MEGF11: variants seen among roughly 807,000 people sequenced by gnomAD.
The protein encoded by MEGF11 is multiple epidermal growth factor-like domains protein 11.
Under a neutral mutation model 146.6 loss-of-function variants are expected in MEGF11, and 126 were observed. The observed-to-expected ratio is 0.86, with a 90% CI of 0.74 to 1.00. The LOEUF (loss-of-function observed/expected upper bound fraction) is 1.00. Ranked by LOEUF, MEGF11 falls within the 50% of genes least tolerant of loss-of-function variation. MEGF11 has a pLI of 0.00. For missense variants in MEGF11, 1,509 were observed against 1,521.2 expected (o/e 0.99, Z 0.13); for synonymous variants, 532 against 583.4 (o/e 0.91, Z 1.27).
chr15:65,940,691 T>G (rs1405212638), intron 10 of MEGF11, among the ~76,000 whole-genome samples: 1 of 152,178 alleles, frequency 6.6e-6, no homozygotes, highest in African/African-American at 2.4e-5. Flanking sequence ...TGGAGGCCAC[T>G]TGTCATATCC....
chr15:66,143,181 G>C (rs574287498), intron 1 of MEGF11, among the ~76,000 whole-genome samples: 10 of 152,360 alleles, frequency 6.6e-5, no homozygotes, highest in Admixed American at 5.2e-4. Context: ...TCCTGCATTT[G>C]CGAGAGGGAA....
intron 1 of MEGF11, among the ~76,000 whole-genome samples, chr15:66,187,061 A>C (rs1448775606): frequency 6.6e-6 from 1 of 152,230 alleles, no homozygotes; most frequent in Non-Finnish European, 1.5e-5. Context: ...CTCAAAATGC[A>C]AGGAAGGATG....
intron 3 of MEGF11, among the ~76,000 whole-genome samples, chr15:66,122,689 C>T (rs938103672): frequency 3.9e-5 from 6 of 152,200 alleles, no homozygotes; most frequent in Non-Finnish European, 7.3e-5. Flanking sequence ...TCCATTTTCC[C>T]CTGTATTTTT....
At chr15:66,223,304 A>G (rs1186184998) in intron 1 of MEGF11, among the ~76,000 whole-genome samples, 3 of 152,180 alleles carry the variant, frequency 2.0e-5, no homozygotes, top group Admixed American at 6.5e-5. Context: ...CCACAGAGAC[A>G]AAAGTAGATA....
At chr15:65,991,514 CA>C (rs1235630749) in intron 5 of MEGF11, among the ~76,000 whole-genome samples, 10 of 152,198 alleles carry the variant, frequency 6.6e-5, no homozygotes, top group African/African-American at 2.4e-4. Flanking sequence ...CATTGCAGGG[CA>C]TTTAGTGGCA....
At chr15:66,122,261 C>A (rs77396943) in intron 3 of MEGF11, among the ~76,000 whole-genome samples, 45 of 141,564 alleles carry the variant, frequency 3.2e-4, no homozygotes, top group Admixed American at 4.9e-4. Flanking sequence ...GCGATTCTGT[C>A]AAAAAAAAAA....
At chr15:66,022,550 C>T (rs759876330) in intron 5 of MEGF11, among the ~76,000 whole-genome samples, 2 of 152,236 alleles carry the variant, frequency 1.3e-5, no homozygotes, top group African/African-American at 2.4e-5. Flanking sequence ...TTGGGCCCAG[C>T]ACAGTGGCTT....
intron 14 of MEGF11, 129 bp downstream of exon 14, chr15:65,922,694 C>G: frequency 7.7e-7 from 1 of 1,304,800 alleles, no homozygotes; most frequent in South Asian, 1.5e-5. Flanking sequence ...GAGGGAGAGA[C>G]TAGAGGGAAG....
Position 65,918,091 on chromosome 15 carries a change from C to T in MEGF11, c.1961G>A (p.Cys654Tyr), listed in dbSNP as rs2079060920. 1 of 1,613,872 alleles carries T rather than the reference C, an allele frequency of 6.2e-7. No homozygotes were observed. Among genetic ancestry groups the T allele is most frequent in the Non-Finnish European group, 8.5e-7 (1 of 1,179,890 alleles). The part of the protein sequence containing the change: ...GFSGALCNQV[C>Y]AGGYFGQDCA... ...GTCCTGCCCAAAGTATCCTCCAGCA[C>T]ACACTGTGGGCACAGGGCAGCCTGG... Residue 654 changes from cysteine (C) to tyrosine (Y), a missense_variant, in exon 16 of 26, where the codon TGT becomes TAT. Coordinates refer to ENST00000395614, the MANE Select transcript of MEGF11 (RefSeq NM_001385028.1).
At chr15:65,946,221 G>A (rs1434469272) in intron 10 of MEGF11, among the ~76,000 whole-genome samples, 1 of 152,190 alleles carries the variant, frequency 6.6e-6, no homozygotes, top group Non-Finnish European at 1.5e-5. Flanking sequence ...AGCTTGCCCT[G>A]TCTCATGCTC....
At chr15:65,911,014 C>T (rs74844642) in intron 21 of MEGF11, among the ~76,000 whole-genome samples, 9,381 of 152,208 alleles carry the variant, frequency 0.062, 420 homozygotes, top group Non-Finnish European at 0.092. Flanking sequence ...GGTATGGGTC[C>T]GGGCACATTA....
chr15:65,969,993 G>T (rs960772122), intron 8 of MEGF11, among the ~76,000 whole-genome samples: 1 of 151,844 alleles, frequency 6.6e-6, no homozygotes, highest in African/African-American at 2.4e-5. Flanking sequence ...CCTTCTTCCC[G>T]CTGTGGCACA....
At chr15:65,910,835 T>C (rs1289898451) in intron 21 of MEGF11, among the ~76,000 whole-genome samples, 2 of 152,120 alleles carry the variant, frequency 1.3e-5, no homozygotes, top group Non-Finnish European at 2.9e-5. Context: ...GAATGGATAT[T>C]ATGGGAAGCT....
At chr15:66,241,616 G>C (rs978443298) in intron 1 of MEGF11, among the ~76,000 whole-genome samples, 2 of 152,086 alleles carry the variant, frequency 1.3e-5, no homozygotes, top group African/African-American at 4.8e-5. Context: ...TTTTTGCGGG[G>C]AGGAGGACAC....
intron 5 of MEGF11, among the ~76,000 whole-genome samples, chr15:66,065,735 AT>A (rs373812227): frequency 3.2e-4 from 48 of 151,998 alleles, no homozygotes; most frequent in African/African-American, 8.7e-4. Flanking sequence ...TGAAAATGAG[AT>A]TTTTTCCCCC....
intron 1 of MEGF11, among the ~76,000 whole-genome samples, chr15:66,204,397 CCT>C (rs2091247063): frequency 6.6e-6 from 1 of 151,890 alleles, no homozygotes; most frequent in South Asian, 2.1e-4. Flanking sequence ...AGAACAAGAC[CCT>C]GTCTCAAAAA....
At chr15:66,027,679 C>A (rs1567208316) in intron 5 of MEGF11, among the ~76,000 whole-genome samples, 1 of 152,150 alleles carries the variant, frequency 6.6e-6, no homozygotes, top group Non-Finnish European at 1.5e-5. Context: ...TTGCACAAAT[C>A]TTGGGTGGGG....
intron 1 of MEGF11, among the ~76,000 whole-genome samples, chr15:66,214,131 G>T (rs2140139255): frequency 6.6e-6 from 1 of 150,658 alleles, no homozygotes; most frequent in Non-Finnish European, 1.5e-5. Context: ...TGCCTCCCGG[G>T]TTCAAGTGAT....
chr15:65,952,375 G>C (rs1277025371), intron 10 of MEGF11, among the ~76,000 whole-genome samples: 1 of 152,162 alleles, frequency 6.6e-6, no homozygotes, highest in Non-Finnish European at 1.5e-5. Context: ...CCTGCAAGTG[G>C]ATGGACAGCT....
Sources: gnomAD v4.1 joint callset for allele counts (sites outside exome capture counted in the v4.1 genomes callset) on GRCh38, gnomAD v4.1.1 for gene constraint, MANE v1.5 for transcripts, NCBI Gene and HGNC (gene_info 2026-07-23, HGNC 2026-07-21) for gene names.